Variants in NCOA7 observed in about 807,000 individuals in gnomAD.
The protein encoded by NCOA7 is nuclear receptor coactivator 7.
NCOA7 carries 45 observed loss-of-function variants against 104.3 expected under a neutral mutation model. The observed-to-expected ratio is 0.43, with a 90% CI of 0.34 to 0.55. NCOA7 has a LOEUF of 0.55. Among genes scored for constraint, NCOA7 ranks in the 20% least tolerant of loss-of-function variants. The pLI is 0.02. For synonymous variants in NCOA7, 398 were observed against 402.3 expected (o/e 0.99, Z 0.13); for missense variants, 1,041 against 1,119.7 (o/e 0.93, Z 1.00).
Position 125,820,961 on chromosome 6 carries a change from A to G in NCOA7, c.50+5557A>G, listed in dbSNP as rs575595387. ...CTAAGCCCATGAGGTGAAAGGGTCC[A>G]TGATAGGCTGGCTCTATCCCAGGGT... On this transcript the variant is annotated intron_variant, in intron 2 of 15. Transcript: ENST00000392477. Among the ~76,000 whole-genome samples, 7 of 152,322 alleles carry G rather than the reference A, an allele frequency of 4.6e-5. No homozygotes were observed. In the East Asian group the frequency reaches 5.8e-4, roughly 13 times the overall value.
intron 9 of NCOA7, 22 bp downstream of exon 9, chr6:125,890,003 C>T: frequency 6.8e-7 from 1 of 1,465,586 alleles, no homozygotes; most frequent in South Asian, 1.5e-5. Flanking sequence ...TTCTTTAATG[C>T]CTTTATATTC....
chr6:125,839,515 G>T (rs1167567398), intron 2 of NCOA7, among the ~76,000 whole-genome samples: 1 of 152,020 alleles, frequency 6.6e-6, no homozygotes, highest in Non-Finnish European at 1.5e-5. Context: ...ATCCTGGCTG[G>T]ATCTTTCTGG....
intron 2 of NCOA7, among the ~76,000 whole-genome samples, chr6:125,846,764 G>A (rs899858009): frequency 5.3e-5 from 8 of 152,212 alleles, no homozygotes; most frequent in Non-Finnish European, 8.8e-5. Flanking sequence ...GTGAATTCCC[G>A]CTCCACAACT....
chr6:125,909,637 C>T (rs988033324), intron 10 of NCOA7, among the ~76,000 whole-genome samples: 4 of 152,014 alleles, frequency 2.6e-5, no homozygotes. Context: ...GGTGAAACCC[C>T]GTCTCTACTA....
rs1434195117 is a variant in NCOA7 at position 125,863,893 on chromosome 6, C to T, written c.271+8653C>T. On this transcript the variant is annotated intron_variant, in intron 3 of 15. Transcript: ENST00000392477. The stretch of plus-strand genomic sequence containing the variant: ...CTGCCAAGATGACCTAACCACCCCT[C>T]AATGGCTCCTTTTCCTAATACCACA... Among the ~76,000 whole-genome samples, 2 of 137,630 alleles carry T rather than the reference C, an allele frequency of 1.5e-5. 1 individual carries two copies. The highest frequency in any genetic ancestry group is 6.1e-5 in the African/African-American group (2 of 32,928). The allele number at this position is 137,630 out of a possible 152,430, so 90.3% of individuals were successfully genotyped here.
chr6:125,904,058 G>C (rs1239478705), intron 10 of NCOA7, among the ~76,000 whole-genome samples: 1 of 152,026 alleles, frequency 6.6e-6, no homozygotes, highest in Non-Finnish European at 1.5e-5. Flanking sequence ...GAAGTCACTG[G>C]GACTGCCCCA....
At chr6:125,838,937 G>C (rs1279331962) in intron 2 of NCOA7, among the ~76,000 whole-genome samples, 1 of 152,074 alleles carries the variant, frequency 6.6e-6, no homozygotes, top group African/African-American at 2.4e-5. Flanking sequence ...GTGGTAGGTT[G>C]GGGGATTCAG....
intron 2 of NCOA7, among the ~76,000 whole-genome samples, chr6:125,833,600 GAGGGGGAGGGAC>G (rs916844564): frequency 6.9e-6 from 1 of 145,932 alleles, no homozygotes; most frequent in African/African-American, 2.5e-5. Context: ...GGGAGGGGGG[GAGGGGGAGGGAC>G]AGGGGGAGGG....
intron 3 of NCOA7, among the ~76,000 whole-genome samples, chr6:125,870,974 G>A (rs1782843210): frequency 6.6e-6 from 1 of 152,146 alleles, no homozygotes; most frequent in African/African-American, 2.4e-5. Flanking sequence ...TAGGGGTTTG[G>A]TCAGTTTTGT....
chr6:125,801,037 A>G (rs1775839259), intron 1 of NCOA7, among the ~76,000 whole-genome samples: 1 of 152,236 alleles, frequency 6.6e-6, no homozygotes, highest in African/African-American at 2.4e-5. Flanking sequence ...GCCATCTCAA[A>G]AAAGAAATAA....
Position 125,864,779 on chromosome 6 carries a change from C to T in NCOA7, c.271+9539C>T, listed in dbSNP as rs1210707498. 4.4e-5 allele frequency among the ~76,000 whole-genome samples: 6 copies of T among 137,456 alleles called. 2 individuals carry two copies. Among genetic ancestry groups the T allele is most frequent in the African/African-American group, 1.8e-4 (6 of 32,904 alleles). 90.2% of individuals were successfully genotyped at this position (137,456 alleles called of 152,430 possible). On this transcript the variant is annotated intron_variant, in intron 3 of 15. Coordinates refer to ENST00000392477, the MANE Select transcript of NCOA7 (RefSeq NM_181782.5). Reference sequence around the variant, plus strand: ...GAGATAAATTACTGTTGTTTCTAAGCCACCAGTTTATGGTATTTTGTTATA... The same window carrying T: ...GAGATAAATTACTGTTGTTTCTAAGTCACCAGTTTATGGTATTTTGTTATA...
intron 3 of NCOA7, among the ~76,000 whole-genome samples, chr6:125,859,846 G>A (rs1781892616): frequency 6.6e-6 from 1 of 152,138 alleles, no homozygotes; most frequent in South Asian, 2.1e-4. Context: ...ATAAGTCATT[G>A]CTATCTCCTG....
Position 125,855,144 on chromosome 6 carries a change from G to C in NCOA7, c.175G>C (p.Val59Leu). The C allele has an allele frequency of 6.2e-7, 1 of 1,613,424 alleles. No individual in the cohort carries two copies. The highest frequency in any genetic ancestry group is 8.5e-7 in the Non-Finnish European group (1 of 1,179,914). ...VLEPDKCNIA[V>L]EEEYMTDEKK... ...AGAGCCAGACAAGTGCAACATTGCTGTGGAAGAGGAATATATGACTGATGA... is the reference window on the plus strand; with the variant it reads ...AGAGCCAGACAAGTGCAACATTGCTCTGGAAGAGGAATATATGACTGATGA... Residue 59 changes from valine to leucine, a missense_variant, in exon 3 of 16, where the codon GTG becomes CTG. Around this residue, in one of 2 missense-constraint regions of NCOA7, gnomAD observed 914 missense variants for 942.7 expected, o/e 0.97. Coordinates refer to ENST00000392477, the MANE Select transcript of NCOA7 (RefSeq NM_181782.5).
chr6:125,917,383 A>G (rs545460433), intron 11 of NCOA7, among the ~76,000 whole-genome samples: 10 of 152,156 alleles, frequency 6.6e-5, no homozygotes, highest in African/African-American at 2.4e-4. Context: ...TCTCCAGCCA[A>G]TGTGAACCCA....
Position 125,855,019 on chromosome 6 carries a change from G to T in NCOA7, c.51-1G>T. 6.3e-7 allele frequency: 1 copy of T among 1,595,608 alleles called. No individual in the cohort carries two copies. Among genetic ancestry groups the T allele is most frequent in the South Asian group, 1.1e-5 (1 of 87,868 alleles). On this transcript the variant is annotated splice_acceptor_variant, in intron 2 of 15. Transcript: ENST00000392477. LOFTEE classifies it high-confidence loss of function. Reference sequence around the variant, plus strand: ...TTTTCTTTTTTTTCCCTCTTTCCTAGACTGAAAAAGAAAAAACAAGCCAAA... The same window carrying T: ...TTTTCTTTTTTTTCCCTCTTTCCTATACTGAAAAAGAAAAAACAAGCCAAA...
chr6:125,859,459 A>G (rs1337404423), intron 3 of NCOA7, among the ~76,000 whole-genome samples: 1 of 152,206 alleles, frequency 6.6e-6, no homozygotes, highest in African/African-American at 2.4e-5. Context: ...GCCAAAATGA[A>G]AAGTTAATGG....
At chr6:125,921,134 G>T in intron 12 of NCOA7, 66 bp downstream of exon 12, 6 of 1,566,568 alleles carry the variant, frequency 3.8e-6, no homozygotes, top group Non-Finnish European at 5.2e-6. Context: ...CCTTGGCCAG[G>T]TACAGTGGCT....
intron 2 of NCOA7, among the ~76,000 whole-genome samples, chr6:125,843,193 C>G (rs1202977531): frequency 6.6e-6 from 1 of 152,034 alleles, no homozygotes; most frequent in Non-Finnish European, 1.5e-5. Context: ...TCCTAAGTGT[C>G]CATATAAGAG....
Position 125,885,290 on chromosome 6 carries a change from C to T in NCOA7, c.831C>T (p.Ser277=), listed in dbSNP as rs770343876. Residue 277 remains serine (S), a synonymous_variant, in exon 8 of 16, where the codon TCC becomes TCT. Coordinates refer to ENST00000392477, the MANE Select transcript of NCOA7 (RefSeq NM_181782.5). ...TCTGCCCCATGGAAGAGGTTGTTTCCATTGCGCTCTACAATGACATTTCTC... is the reference window on the plus strand; with the variant it reads ...TCTGCCCCATGGAAGAGGTTGTTTCTATTGCGCTCTACAATGACATTTCTC... ...GLICPMEEVV[S]IALYNDISHM... 3 of 1,613,938 alleles carry T rather than the reference C, an allele frequency of 1.9e-6. No individual in the cohort carries two copies. The highest frequency in any genetic ancestry group is 4.5e-5 in the East Asian group (2 of 44,868).
Sources: allele counts gnomAD v4.1 joint callset (sites outside exome capture counted in the v4.1 genomes callset), GRCh38; gene constraint gnomAD v4.1.1; regional missense constraint gnomAD v4.1.1; transcripts MANE v1.5; gene names NCBI Gene and HGNC (gene_info 2026-07-23, HGNC 2026-07-21).